Variants in VEPH1 observed in about 807,000 individuals in gnomAD.
VEPH1 encodes ventricular zone-expressed PH domain-containing protein homolog 1.
Under a neutral mutation model 85.2 loss-of-function variants are expected in VEPH1, and 80 were observed. That is an observed-to-expected ratio of 0.94 (90% CI 0.78 to 1.13). VEPH1 has a LOEUF of 1.13. Ranked by LOEUF, VEPH1 falls within the 50% of genes most tolerant of loss-of-function variation. The pLI, the probability that VEPH1 is intolerant of heterozygous loss-of-function variation, is 0.00. For synonymous variants in VEPH1, 297 were observed against 348.0 expected (o/e 0.85, Z 1.63); for missense variants, 955 against 980.5 (o/e 0.97, Z 0.35).
intron 11 of VEPH1, among the ~76,000 whole-genome samples, chr3:157,287,726 G>A (rs954400856): frequency 2.0e-5 from 3 of 151,846 alleles, no homozygotes; most frequent in Non-Finnish European, 2.9e-5. Context: ...CACCACACCT[G>A]GCTAATTTTT....
chr3:157,301,532 A>G (rs542068803), intron 11 of VEPH1, among the ~76,000 whole-genome samples: 1 of 152,072 alleles, frequency 6.6e-6, no homozygotes. Context: ...AGCTCTCTAC[A>G]TATGCTATGT....
intron 4 of VEPH1, chr3:157,437,495 G>T: frequency 6.3e-7 from 1 of 1,596,308 alleles, no homozygotes; most frequent in Non-Finnish European, 8.5e-7. Context: ...GCTAACGTGT[G>T]TGTATCCCGT....
chr3:157,467,079 G>A (rs1294888851), intron 3 of VEPH1, among the ~76,000 whole-genome samples: 4 of 151,628 alleles, frequency 2.6e-5, no homozygotes, highest in African/African-American at 4.8e-5. Context: ...AGCGTAGGCC[G>A]ACAAGAGGAA....
At chr3:157,401,124 A>G (rs947504484) in intron 6 of VEPH1, among the ~76,000 whole-genome samples, 2 of 152,134 alleles carry the variant, frequency 1.3e-5, no homozygotes, top group East Asian at 1.9e-4. Context: ...TAATTACACA[A>G]TATCTGTTTA....
chr3:157,408,474 C>A (rs1350569165), intron 6 of VEPH1, among the ~76,000 whole-genome samples: 2 of 152,078 alleles, frequency 1.3e-5, no homozygotes, highest in East Asian at 1.9e-4. Flanking sequence ...TTCTTAATTA[C>A]CAGTATTCTC....
At chr3:157,269,893 A>G (rs765248492) in intron 12 of VEPH1, among the ~76,000 whole-genome samples, 1 of 152,166 alleles carries the variant, frequency 6.6e-6, no homozygotes, top group Non-Finnish European at 1.5e-5. Flanking sequence ...TGTAGAACAT[A>G]GAGGATATTC....
At chr3:157,278,524 C>A (rs62279639) in intron 12 of VEPH1, among the ~76,000 whole-genome samples, 35,481 of 152,046 alleles carry the variant, frequency 0.23, 4,282 homozygotes, top group Non-Finnish European at 0.27. Flanking sequence ...GGGAAGCTAC[C>A]TAAGATTTCA....
chr3:157,437,679 G>A lies in VEPH1; in HGVS notation c.530-9191C>T, dbSNP rs556987460. 8.5e-6 allele frequency: 13 copies of A among 1,536,276 alleles called. No individual in the cohort carries two copies. The East Asian group carries it at 2.7e-4, about 32-fold the overall frequency. On this transcript the variant is annotated intron_variant, in intron 4 of 13. Transcript: ENST00000362010. ...AGCTGGGCCGGCTCGCGGAAAGCCT[G>A]GCGAGGCCGTGCGCGCCGGGGGCTC...
chr3:157,417,226 C>T (rs1444154102), intron 5 of VEPH1, among the ~76,000 whole-genome samples: 1 of 152,160 alleles, frequency 6.6e-6, no homozygotes, highest in Non-Finnish European at 1.5e-5. Context: ...ATTTTCCAAA[C>T]ATAGGGCATT....
intron 6 of VEPH1, among the ~76,000 whole-genome samples, chr3:157,412,801 G>A (rs1367633002): frequency 1.3e-5 from 2 of 152,120 alleles, no homozygotes; most frequent in Non-Finnish European, 2.9e-5. Flanking sequence ...AGGAGAAAGA[G>A]CCTCACCCAG....
intron 5 of VEPH1, among the ~76,000 whole-genome samples, chr3:157,418,686 CACAA>C (rs950947619): frequency 8.0e-6 from 1 of 124,992 alleles, no homozygotes; most frequent in Non-Finnish European, 1.8e-5. Flanking sequence ...TCGGAGAGGA[CACAA>C]ACAAATGGAA....
chr3:157,482,148 A>G (rs756157825), intron 2 of VEPH1, among the ~76,000 whole-genome samples: 9 of 152,072 alleles, frequency 5.9e-5, no homozygotes, highest in Non-Finnish European at 1.2e-4. Context: ...TGCTTCAGGT[A>G]TTTTGACTCT....
At chr3:157,359,714 G>A in intron 9 of VEPH1, among the ~76,000 whole-genome samples, 1 of 152,162 alleles carries the variant, frequency 6.6e-6, no homozygotes. Context: ...TGACCAGTGA[G>A]GTTCCTATTC....
intron 11 of VEPH1, among the ~76,000 whole-genome samples, chr3:157,308,623 G>T (rs371863943): frequency 2.6e-5 from 4 of 151,888 alleles, no homozygotes; most frequent in Admixed American, 2.0e-4. Context: ...CCTTCTGGCT[G>T]TATTTTACCA....
intron 6 of VEPH1, among the ~76,000 whole-genome samples, chr3:157,396,555 C>T (rs1172582226): frequency 1.3e-5 from 2 of 152,208 alleles, no homozygotes; most frequent in African/African-American, 2.4e-5. Flanking sequence ...TACATTCCCA[C>T]CAATAGTGTA....
At chr3:157,495,837 C>CA (rs1251256447) in intron 1 of VEPH1, among the ~76,000 whole-genome samples, 7 of 152,130 alleles carry the variant, frequency 4.6e-5, no homozygotes, top group African/African-American at 1.7e-4. Context: ...AGATTTTCCT[C>CA]AAAAAGATTC....
chr3:157,423,191 G>A (rs1382118929), intron 5 of VEPH1, among the ~76,000 whole-genome samples: 2 of 152,194 alleles, frequency 1.3e-5, no homozygotes. Flanking sequence ...ATGTAGATAA[G>A]AGTCCTATGT....
intron 7 of VEPH1, among the ~76,000 whole-genome samples, 191 bp from the exon 8 acceptor site, chr3:157,364,703 A>G (rs1459517960): frequency 6.6e-6 from 1 of 152,240 alleles, no homozygotes; most frequent in Non-Finnish European, 1.5e-5. Flanking sequence ...TCTGCCAGAA[A>G]TTTAGAAACA....
chr3:157,331,944 A>C (rs1305374878), intron 9 of VEPH1, among the ~76,000 whole-genome samples: 1 of 152,196 alleles, frequency 6.6e-6, no homozygotes, highest in Non-Finnish European at 1.5e-5. Flanking sequence ...GGTCTATCTC[A>C]GGTCTGCCAG....
Sources: allele counts gnomAD v4.1 joint callset (sites outside exome capture counted in the v4.1 genomes callset), GRCh38; gene constraint gnomAD v4.1.1; transcripts MANE v1.5; gene names NCBI Gene and HGNC (gene_info 2026-07-23, HGNC 2026-07-21).